PIP4K2A: variants seen among roughly 807,000 people sequenced by gnomAD.
PIP4K2A encodes the protein phosphatidylinositol-5-phosphate 4-kinase type 2 alpha, also known as phosphatidylinositol 5-phosphate 4-kinase type-2 alpha.
PIP4K2A carries 14 observed loss-of-function variants against 42.9 expected under a neutral mutation model. That is an observed-to-expected ratio of 0.33 (90% confidence interval 0.22 to 0.51). PIP4K2A has a LOEUF of 0.51. Among genes scored for constraint, PIP4K2A ranks in the 20% least tolerant of loss-of-function variants. The pLI, the probability that PIP4K2A is intolerant of heterozygous loss-of-function variation, is 0.97. For missense variants in PIP4K2A, 434 were observed against 519.8 expected, an observed-to-expected ratio of 0.83 and a Z score of 1.61; for synonymous variants, 192 against 192.2, an observed-to-expected ratio of 1.00 and a Z score of 0.01.
chr10:22,627,003 G>C (rs1325822790), intron 1 of PIP4K2A, among the ~76,000 whole-genome samples: 1 of 151,962 alleles, frequency 6.6e-6, no homozygotes, highest in African/African-American at 2.4e-5. Context: ...TAGGAAAAAG[G>C]GCATTTGCCA....
At chr10:22,587,540 C>T (rs1409995927) in intron 4 of PIP4K2A, among the ~76,000 whole-genome samples, 3 of 152,290 alleles carry the variant, frequency 2.0e-5, no homozygotes, top group East Asian at 3.9e-4. Flanking sequence ...TGACATATAC[C>T]TCAAATACCT....
chr10:22,714,231 C>G lies in PIP4K2A; in HGVS notation c.96G>C (p.Arg32=). ...GGACGCTGAGCAGCGGGTCGCTGGCCCGAAACAGCTTCACTTTCTGCGCTA... is the reference window on the plus strand; with the variant it reads ...GGACGCTGAGCAGCGGGTCGCTGGCGCGAAACAGCTTCACTTTCTGCGCTA... ...HFVAQKVKLF[R]ASDPLLSVLM... Residue 32 remains arginine, a synonymous_variant, in exon 1 of 10, where the codon CGG becomes CGC. Transcript: ENST00000376573. The G allele has an allele frequency of 6.2e-7, 1 of 1,612,068 alleles. No individual in the cohort carries two copies. The highest frequency in any genetic ancestry group is 8.5e-7 in the Non-Finnish European group (1 of 1,178,956).
At chr10:22,691,876 C>T (rs1473825412) in intron 1 of PIP4K2A, 1 of 152,138 alleles carries the variant, frequency 6.6e-6, no homozygotes, top group Non-Finnish European at 1.5e-5. Context: ...ATTCTAAATT[C>T]CTTGTCATTG....
At chr10:22,596,929 G>A (rs546477235) in intron 3 of PIP4K2A, among the ~76,000 whole-genome samples, 1 of 152,320 alleles carries the variant, frequency 6.6e-6, no homozygotes, top group African/African-American at 2.4e-5. Context: ...TGGGCATTAT[G>A]AAGGGACAGT....
At chr10:22,679,822 C>A (rs1839625748) in intron 1 of PIP4K2A, among the ~76,000 whole-genome samples, 1 of 152,080 alleles carries the variant, frequency 6.6e-6, no homozygotes, top group African/African-American at 2.4e-5. Flanking sequence ...AGCCCACATA[C>A]AAATCTACAG....
chr10:22,537,018 TG>T lies in PIP4K2A; in HGVS notation c.*182del. On this transcript the variant is annotated 3_prime_UTR_variant, in exon 10 of 10. Coordinates refer to ENST00000376573, the MANE Select transcript of PIP4K2A (RefSeq NM_005028.5). Reference sequence around the variant, plus strand: ...AAGTCAGAAATAGCTAGAACGATGCTGGGAAAATCAGGTAGCTGTAAAGCGA... The same window carrying T: ...AAGTCAGAAATAGCTAGAACGATGCTGGAAAATCAGGTAGCTGTAAAGCGA... The T allele has an allele frequency of 2.1e-6, 1 of 473,332 alleles. No individual in the cohort carries two copies. The allele number at this position is 473,332 out of a possible 1,614,324, so 29.3% of individuals were successfully genotyped here.
chr10:22,710,997 G>T (rs935416971), intron 1 of PIP4K2A, among the ~76,000 whole-genome samples: 1 of 152,106 alleles, frequency 6.6e-6, no homozygotes, highest in East Asian at 1.9e-4. Context: ...ATCTTAAGAC[G>T]CTTACTGTTT....
At chr10:22,597,202 C>T (rs144572276) in intron 3 of PIP4K2A, among the ~76,000 whole-genome samples, 2,049 of 152,272 alleles carry the variant, frequency 0.013, 45 homozygotes, top group African/African-American at 0.047. Context: ...CTTCTCTCCA[C>T]GCAGGAGCTG....
intron 1 of PIP4K2A, among the ~76,000 whole-genome samples, chr10:22,655,358 G>A (rs1028215725): frequency 1.3e-5 from 2 of 152,142 alleles, no homozygotes; most frequent in African/African-American, 4.8e-5. Flanking sequence ...TGGAGCCCTC[G>A]GCAGGAGGTG....
chr10:22,650,499 T>C (rs1425533619), intron 1 of PIP4K2A, among the ~76,000 whole-genome samples: 1 of 148,762 alleles, frequency 6.7e-6, no homozygotes, highest in East Asian at 1.9e-4. Flanking sequence ...AGAAGGAATA[T>C]CTGCCCTATG....
chr10:22,667,150 C>G (rs1216628482), intron 1 of PIP4K2A, among the ~76,000 whole-genome samples: 1 of 152,176 alleles, frequency 6.6e-6, no homozygotes, highest in East Asian at 1.9e-4. Flanking sequence ...TGTAAAATGC[C>G]TTATTTTGCC....
At chr10:22,569,769 G>C (rs191982969) in intron 5 of PIP4K2A, among the ~76,000 whole-genome samples, 29 of 152,088 alleles carry the variant, frequency 1.9e-4, no homozygotes, top group East Asian at 1.7e-3. Flanking sequence ...CTGATCATTA[G>C]CTTGGGAACA....
chr10:22,583,396 G>A (rs951677555), intron 4 of PIP4K2A, among the ~76,000 whole-genome samples: 1 of 152,212 alleles, frequency 6.6e-6, no homozygotes, highest in African/African-American at 2.4e-5. Context: ...GCCTATGCCT[G>A]GGGCTGGGGG....
intron 3 of PIP4K2A, among the ~76,000 whole-genome samples, chr10:22,597,478 A>C (rs1837660251): frequency 6.6e-6 from 1 of 152,114 alleles, no homozygotes; most frequent in African/African-American, 2.4e-5. Flanking sequence ...TCCTCCTGTC[A>C]CTGGTTTCTG....
At chr10:22,651,299 A>C (rs1588686107) in intron 1 of PIP4K2A, among the ~76,000 whole-genome samples, 1 of 152,006 alleles carries the variant, frequency 6.6e-6, no homozygotes, top group Non-Finnish European at 1.5e-5. Flanking sequence ...GTTTAAAAGC[A>C]CTCATCTGCC....
At chr10:22,585,609 A>AT (rs67526326) in intron 4 of PIP4K2A, among the ~76,000 whole-genome samples, 3,442 of 143,212 alleles carry the variant, frequency 0.024, 94 homozygotes, top group African/African-American at 0.068. Flanking sequence ...GTGCCTCTCA[A>AT]TTTTTTTTTT....
At chr10:22,663,696 C>A (rs1272842532) in intron 1 of PIP4K2A, among the ~76,000 whole-genome samples, 1 of 151,712 alleles carries the variant, frequency 6.6e-6, no homozygotes, top group Non-Finnish European at 1.5e-5. Flanking sequence ...TACAGTGTTC[C>A]ATAAATATTT....
intron 1 of PIP4K2A, among the ~76,000 whole-genome samples, chr10:22,638,153 G>A (rs957948757): frequency 1.3e-5 from 2 of 152,278 alleles, no homozygotes; most frequent in African/African-American, 4.8e-5. Context: ...ACATGTTGAA[G>A]CAGGTTTGAT....
chr10:22,701,333 ATC>A (rs1341532048), intron 1 of PIP4K2A, among the ~76,000 whole-genome samples: 2 of 152,140 alleles, frequency 1.3e-5, no homozygotes, highest in South Asian at 4.2e-4. Context: ...TCTACCTGAA[ATC>A]TCTCTAAGCA....
Sources: gnomAD v4.1 joint callset for allele counts (sites outside exome capture counted in the v4.1 genomes callset) on GRCh38, gnomAD v4.1.1 for gene constraint, MANE v1.5 for transcripts, NCBI Gene and HGNC (gene_info 2026-07-23, HGNC 2026-07-21) for gene names.